Variants in SPATA33 observed in about 807,000 individuals in gnomAD.
The protein encoded by SPATA33 is spermatogenesis associated 33, also known as spermatogenesis-associated protein 33.
In SPATA33, 10 loss-of-function variants were observed where a neutral mutation model predicts 8.9. The ratio of observed to expected loss-of-function variants is 1.12; its 90% CI spans 0.69 to 1.90. The LOEUF (loss-of-function observed/expected upper bound fraction) is 1.90. SPATA33 is among the 40% of genes most tolerant of loss of function. SPATA33 has a pLI of 0.00. For missense variants in SPATA33, 241 were observed against 178.3 expected, an observed-to-expected ratio of 1.35 and a Z score of -2.00; for synonymous variants, 96 against 72.8, an observed-to-expected ratio of 1.32 and a Z score of -1.63.
intron 2 of SPATA33, among the ~76,000 whole-genome samples, chr16:89,662,308 TACTC>T (rs754732213): frequency 1.1e-4 from 17 of 148,816 alleles, no homozygotes; most frequent in East Asian, 3.9e-4. Context: ...AAAAAAAAGA[TACTC>T]AGGAAAAAAA....
Position 89,661,082 on chromosome 16 carries a change from G to T in SPATA33, c.211+2661G>T, listed in dbSNP as rs1011603994. On this transcript the variant is annotated intron_variant, in intron 2 of 2. Coordinates refer to ENST00000579310, the MANE Select transcript of SPATA33 (RefSeq NM_001271907.2). ...CTGAACCCATAAAATCCAGAGAAAA[G>T]AAAATCGTTTTAAACTGCTGAGGTT... 5 of 985,838 alleles carry T rather than the reference G, an allele frequency of 5.1e-6. No homozygotes were observed. The African/African-American group carries it at 8.7e-5, about 17-fold the overall frequency. 61.1% of individuals were successfully genotyped at this position (985,838 alleles called of 1,614,324 possible).
At position 89,669,593 on chromosome 16, in the gene SPATA33, C is replaced by T. The variant is rs1597809937; in HGVS notation, c.*96C>T. Reference sequence around the variant, plus strand: ...AGAAGCCGAGGCCCCTTCTCCAGTGCTCTCGGGGAGGTTGCACCAGGCCCA... The same window carrying T: ...AGAAGCCGAGGCCCCTTCTCCAGTGTTCTCGGGGAGGTTGCACCAGGCCCA... On this transcript the variant is annotated 3_prime_UTR_variant, in exon 3 of 3. Transcript: ENST00000579310. 1.5e-6 allele frequency: 2 copies of T among 1,292,134 alleles called. No homozygotes were observed. Among genetic ancestry groups the T allele is most frequent in the Admixed American group, 2.1e-5 (1 of 46,566 alleles). The allele number at this position is 1,292,134 out of a possible 1,614,324, so 80.0% of individuals were successfully genotyped here. A position where few individuals can be genotyped will look rare whatever the true frequency, so the allele number is the denominator to read the frequency against.
At chr16:89,668,767 A>G (rs1370763638) in intron 2 of SPATA33, among the ~76,000 whole-genome samples, 1 of 152,258 alleles carries the variant, frequency 6.6e-6, no homozygotes, top group Non-Finnish European at 1.5e-5. Context: ...TTTGCTTTGT[A>G]CGTGGCAACG....
intron 2 of SPATA33, chr16:89,659,006 A>G (rs2059926788): frequency 6.5e-6 from 1 of 153,450 alleles, no homozygotes; most frequent in Non-Finnish European, 1.5e-5. Flanking sequence ...TAAATATTTT[A>G]AACAACGGAG....
intron 2 of SPATA33, chr16:89,660,866 T>C: frequency 3.6e-6 from 4 of 1,120,238 alleles, no homozygotes. Flanking sequence ...GCCAGACCTG[T>C]GAGCAAACAA....
Position 89,669,285 on chromosome 16 carries a change from G to C in SPATA33, c.212-1G>C. Reference sequence around the variant, plus strand: ...AAATGCCTGGATGTTTTTTCCTCTAGAGAAACCTGATGTAAAGCAAAAGTC... The same window carrying C: ...AAATGCCTGGATGTTTTTTCCTCTACAGAAACCTGATGTAAAGCAAAAGTC... On this transcript the variant is annotated splice_acceptor_variant, in intron 2 of 2. Transcript: ENST00000579310. LOFTEE classifies it high-confidence loss of function. The C allele has an allele frequency of 1.2e-6, 2 of 1,614,084 alleles. No homozygotes were observed. The highest frequency in any genetic ancestry group is 2.2e-5 in the South Asian group (2 of 91,064).
chr16:89,660,829 T>C (rs2059957040), intron 2 of SPATA33: 1 of 1,153,164 alleles, frequency 8.7e-7, no homozygotes. Flanking sequence ...TTAGTAGTCC[T>C]GGTCCCTAAG....
At position 89,658,398 on chromosome 16, in the gene SPATA33, C is replaced by G. The variant is rs776314394; in HGVS notation, c.188C>G (p.Pro63Arg). Residue 63 changes from proline to arginine, a missense_variant, in exon 2 of 3, where the codon CCG becomes CGG. Physicochemically the swap from Pro to Arg is moderately radical, Grantham distance 103. Coordinates refer to ENST00000579310, the MANE Select transcript of SPATA33 (RefSeq NM_001271907.2). The part of the protein sequence containing the change: ...LHPGAGTAKH[P>R]PPAASLEEKP... ...CCGGGGGCCGGGACAGCCAAGCACCCGCCGCCGGCAGCTTCGCTGGAAGGT... is the reference window on the plus strand; with the variant it reads ...CCGGGGGCCGGGACAGCCAAGCACCGGCCGCCGGCAGCTTCGCTGGAAGGT... 25 of 1,610,838 alleles carry G rather than the reference C, an allele frequency of 1.6e-5. No homozygotes were observed. The Admixed American group carries it at 4.2e-4, about 27-fold the overall frequency.
At chr16:89,658,793 C>G in intron 2 of SPATA33, 1 of 270,294 alleles carries the variant, frequency 3.7e-6, no homozygotes. Context: ...CCAGGCTGGA[C>G]TGTAGCTCTC....
chr16:89,662,910 C>T (rs1378200859), intron 2 of SPATA33, among the ~76,000 whole-genome samples: 1 of 152,206 alleles, frequency 6.6e-6, no homozygotes, highest in Non-Finnish European at 1.5e-5. Flanking sequence ...TCTTCTGCCT[C>T]AGCCTCCCGA....
Position 89,669,752 on chromosome 16 carries a change from G to T in SPATA33, c.*255G>T. The stretch of plus-strand genomic sequence containing the variant: ...GGGAGGGTGCACCAGGCCTGCCCCC[G>T]CCGTGAGAAACTGCAGTCCCCTTCT... On this transcript the variant is annotated 3_prime_UTR_variant, in exon 3 of 3. Transcript: ENST00000579310. The T allele has an allele frequency of 2.6e-6, 1 of 382,044 alleles. No homozygotes were observed. Among genetic ancestry groups the T allele is most frequent in the East Asian group, 4.3e-5 (1 of 22,998 alleles). 23.7% of individuals were successfully genotyped at this position (382,044 alleles called of 1,614,324 possible). A position where few individuals can be genotyped will look rare whatever the true frequency, so the allele number is the denominator to read the frequency against.
chr16:89,661,917 A>G (rs2151527924), intron 2 of SPATA33, among the ~76,000 whole-genome samples: 1 of 152,320 alleles, frequency 6.6e-6, no homozygotes, highest in South Asian at 2.1e-4. Flanking sequence ...GAATGCTATT[A>G]TAGTTACGCT....
chr16:89,669,409 C>G lies in SPATA33; in HGVS notation c.335C>G (p.Thr112Ser). 1 of 1,614,172 alleles carries G rather than the reference C, an allele frequency of 6.2e-7. No individual in the cohort carries two copies. The highest frequency in any genetic ancestry group is 8.5e-7 in the Non-Finnish European group (1 of 1,180,038). The change falls in exon 3 of 3, where the codon ACC becomes AGC. Residue 112 changes from threonine (T) to serine (S), a missense_variant. Thr to Ser is a moderately conservative substitution (Grantham distance 58). Transcript: ENST00000579310. ...TCCAGCGGGAGTGACCAGCAGAGAA[C>G]CATTCGGGAGCCGGAGGACTGGGGC... ...CSSSGSDQQR[T>S]IREPEDWGPY...
intron 2 of SPATA33, among the ~76,000 whole-genome samples, chr16:89,667,716 G>A (rs942951224): frequency 6.6e-5 from 10 of 152,296 alleles, no homozygotes; most frequent in African/African-American, 2.2e-4. Context: ...TGGGTCATTC[G>A]GCAGCTGACA....
At position 89,657,850 on chromosome 16, in the gene SPATA33, G is replaced by C. The variant is rs1007536100; in HGVS notation, c.-62G>C. The C allele has an allele frequency of 2.6e-6, 4 of 1,510,118 alleles. No individual in the cohort carries two copies. The highest frequency in any genetic ancestry group is 3.5e-6 in the Non-Finnish European group (4 of 1,135,922). The allele number at this position is 1,510,118 out of a possible 1,614,324, so 93.5% of individuals were successfully genotyped here. A position where few individuals can be genotyped will look rare whatever the true frequency, so the allele number is the denominator to read the frequency against. On this transcript the variant is annotated 5_prime_UTR_variant, in exon 1 of 3. Coordinates refer to ENST00000579310, the MANE Select transcript of SPATA33 (RefSeq NM_001271907.2). ...GAGGACCTTTTGTGAGTCGCTCCCG[G>C]CTCCGCGGCCGCGGAGGTGTGGGGA...
At chr16:89,660,332 G>T in intron 2 of SPATA33, 1 of 511,484 alleles carries the variant, frequency 2.0e-6, no homozygotes, top group Non-Finnish European at 3.0e-6. Flanking sequence ...TTCACCAGGG[G>T]CTGGAGGGAG....
At chr16:89,669,258 C>T (rs774348322) in intron 2 of SPATA33, 28 bp from the exon 3 acceptor site, 1 of 1,606,270 alleles carries the variant, frequency 6.2e-7, no homozygotes, top group South Asian at 1.1e-5. Context: ...CACACATCTA[C>T]TAAATGCCTG....
At chr16:89,663,545 G>A (rs1005556317) in intron 2 of SPATA33, among the ~76,000 whole-genome samples, 6 of 152,210 alleles carry the variant, frequency 3.9e-5, no homozygotes, top group Admixed American at 2.6e-4. Context: ...ATACCCGGCC[G>A]TGATTCCATT....
intron 2 of SPATA33, chr16:89,660,170 T>C: frequency 4.7e-6 from 1 of 212,568 alleles, no homozygotes. Context: ...ACTCTCAGTG[T>C]CCACAGCCCC....
Sources: allele counts gnomAD v4.1 joint callset (sites outside exome capture counted in the v4.1 genomes callset), GRCh38; gene constraint gnomAD v4.1.1; transcripts MANE v1.5; gene names NCBI Gene and HGNC (gene_info 2026-07-23, HGNC 2026-07-21).